The following ZC2HC1C variants were observed in gnomAD, a reference collection of about 807,000 sequenced individuals.
ZC2HC1C encodes the protein zinc finger C2HC-type containing 1C, also known as zinc finger C2HC domain-containing protein 1C.
ZC2HC1C carries 25 observed loss-of-function variants against 39.2 expected under a neutral mutation model. The observed-to-expected ratio is 0.64, with a 90% CI of 0.47 to 0.89. The LOEUF (loss-of-function observed/expected upper bound fraction) is 0.89, where lower values mean the gene tolerates loss of function less well. ZC2HC1C is among the 40% of genes least tolerant of loss of function. The probability of loss-of-function intolerance (pLI) is 0.00; values close to 1 mark genes in which losing one functional copy is unlikely to be tolerated. For missense variants in ZC2HC1C, 519 were observed against 548.6 expected, an observed-to-expected ratio of 0.95 and a Z score of 0.54; for synonymous variants, 209 against 214.4, an observed-to-expected ratio of 0.97 and a Z score of 0.22.
chr14:75,071,900 G>A lies in ZC2HC1C; in HGVS notation c.1327G>A (p.Ala443Thr), dbSNP rs1207417938. 6 of 1,591,188 alleles carry A rather than the reference G, an allele frequency of 3.8e-6. No individual in the cohort carries two copies. Among genetic ancestry groups the A allele is most frequent in the Non-Finnish European group, 5.1e-6 (6 of 1,169,618 alleles). Residue 443 changes from alanine to threonine, a missense_variant, in exon 2 of 3, where the codon GCT (alanine) becomes ACT (threonine). By Grantham distance (58) the Ala-to-Thr change is moderately conservative (BLOSUM62 0). Coordinates refer to ENST00000524913, the MANE Select transcript of ZC2HC1C (RefSeq NM_024643.4). ...LEQYLNWKGP[A>T]SAKAEPPQKS... ...GCAGTACTTGAACTGGAAGGGGCCA[G>A]CTTCAGCCAAGGTAACAAGAGCCTT... is the stretch of plus-strand genomic sequence containing the variant.
chr14:75,070,496 C>T, intron 1 of ZC2HC1C, 59 bp from the exon 2 acceptor site: 1 of 1,516,958 alleles, frequency 6.6e-7, no homozygotes, highest in Non-Finnish European at 8.8e-7. Flanking sequence ...TTTGCTTTAG[C>T]AGCCGAGAGT....
intron 2 of ZC2HC1C, among the ~76,000 whole-genome samples, chr14:75,076,060 TAAC>T (rs530205810): frequency 4.8e-4 from 73 of 151,962 alleles, no homozygotes; most frequent in African/African-American, 1.2e-3. Context: ...CCATCTCAAA[TAAC>T]AACAACAACA....
chr14:75,071,479 G>A lies in ZC2HC1C; in HGVS notation c.906G>A (p.Glu302=), dbSNP rs935121090. 14 of 1,614,126 alleles carry A rather than the reference G, an allele frequency of 8.7e-6. No individual in the cohort carries two copies. The highest frequency in any genetic ancestry group is 1.2e-5 in the Non-Finnish European group (14 of 1,180,030). Residue 302 remains glutamate (E), a synonymous_variant, in exon 2 of 3, where the codon GAG becomes GAA. Coordinates refer to ENST00000524913, the MANE Select transcript of ZC2HC1C (RefSeq NM_024643.4). The part of the protein sequence containing the change: ...FEEEFSRDRR[E]DETWGRSQQN... Reference sequence around the variant, plus strand: ...AAGAATTTAGTAGAGACAGGAGAGAGGATGAAACTTGGGGACGGTCTCAAC... The same window carrying A: ...AAGAATTTAGTAGAGACAGGAGAGAAGATGAAACTTGGGGACGGTCTCAAC...
rs979834999 is a variant in ZC2HC1C at position 75,078,153 on chromosome 14, T to C, written c.*589T>C. The C allele has an allele frequency of 1.2e-4, 19 of 152,758 alleles. No individual in the cohort carries two copies. The highest frequency in any genetic ancestry group is 4.3e-4 in the African/African-American group (18 of 41,468). The allele number at this position is 152,758 out of a possible 1,614,324, so 9.5% of individuals were successfully genotyped here. Reference sequence around the variant, plus strand: ...CTGGTTCTGCCTTCTTGTCACTGCATGTATGTTCAGAGTTCCTGTTAACTC... The same window carrying C: ...CTGGTTCTGCCTTCTTGTCACTGCACGTATGTTCAGAGTTCCTGTTAACTC... On this transcript the variant is annotated 3_prime_UTR_variant, in exon 3 of 3. Coordinates refer to ENST00000524913, the MANE Select transcript of ZC2HC1C (RefSeq NM_024643.4).
Position 75,077,671 on chromosome 14 carries a change from A to C in ZC2HC1C, c.*107A>C, listed in dbSNP as rs1594813029. The C allele has an allele frequency of 1.4e-6, 2 of 1,404,316 alleles. No homozygotes were observed. 87.0% of individuals were successfully genotyped at this position (1,404,316 alleles called of 1,614,324 possible). A position where few individuals can be genotyped will look rare whatever the true frequency, so the allele number is the denominator to read the frequency against. ...TTGCCTCCCATCCTGCCTGCAGAAA[A>C]CCCAGACTGCATTCAGTGTCCTCAG... On this transcript the variant is annotated 3_prime_UTR_variant, in exon 3 of 3. Coordinates refer to ENST00000524913, the MANE Select transcript of ZC2HC1C (RefSeq NM_024643.4).
chr14:75,069,968 C>G (rs530117186), intron 1 of ZC2HC1C: 1 of 153,768 alleles, frequency 6.5e-6, no homozygotes, highest in African/African-American at 2.4e-5. Context: ...CTTTTACAGT[C>G]TGCGCCACGG....
intron 2 of ZC2HC1C, chr14:75,073,514 A>C (rs1893520359): frequency 1.7e-6 from 2 of 1,192,120 alleles, no homozygotes; most frequent in Non-Finnish European, 2.2e-6. Flanking sequence ...GACAGAAGGG[A>C]CCTAGACTAA....
chr14:75,077,380 C>T lies in ZC2HC1C; in HGVS notation c.1339-152C>T, dbSNP rs569387819. The T allele has an allele frequency of 2.8e-5, 28 of 1,001,894 alleles. No homozygotes were observed. The East Asian group carries it at 6.3e-4, about 23-fold the overall frequency. 62.1% of individuals were successfully genotyped at this position (1,001,894 alleles called of 1,614,324 possible). ...TTTGCAGGCCCTTGGTTTGCCTCAA[C>T]GCTGGCAAGTCAGTTACCGCTGTTG... On this transcript the variant is annotated intron_variant, in intron 2 of 2. Coordinates refer to ENST00000524913, the MANE Select transcript of ZC2HC1C (RefSeq NM_024643.4).
intron 2 of ZC2HC1C, among the ~76,000 whole-genome samples, chr14:75,076,780 C>G (rs1893691688): frequency 6.6e-6 from 1 of 151,978 alleles, no homozygotes; most frequent in Non-Finnish European, 1.5e-5. Flanking sequence ...TGTTTGTGGA[C>G]TTTTTGGCTC....
At position 75,072,037 on chromosome 14, in the gene ZC2HC1C, T is replaced by C. The variant is rs556290791; in HGVS notation, c.1338+126T>C. On this transcript the variant is annotated intron_variant, in intron 2 of 2. Transcript: ENST00000524913. ...GAAGAATTGACGTCTAGAATTAACATTTCTTGATTACTACTGTATGCCAGC... is the reference window on the plus strand; with the variant it reads ...GAAGAATTGACGTCTAGAATTAACACTTCTTGATTACTACTGTATGCCAGC... 182 of 1,326,412 alleles carry C rather than the reference T, an allele frequency of 1.4e-4. No homozygotes were observed. In the African/African-American group the frequency reaches 2.4e-3, roughly 18 times the overall value. The allele number at this position is 1,326,412 out of a possible 1,614,324, so 82.2% of individuals were successfully genotyped here.
At chr14:75,074,758 G>T (rs1223733624) in intron 2 of ZC2HC1C, among the ~76,000 whole-genome samples, 1 of 152,108 alleles carries the variant, frequency 6.6e-6, no homozygotes, top group Non-Finnish European at 1.5e-5. Context: ...TTTTAGTTAA[G>T]ACAGGGTTTC....
rs775106299 is a variant in ZC2HC1C, at chr14:75,079,346, G to A, written c.*1782G>A. 4.6e-5 allele frequency: 7 copies of A among 152,116 alleles called. No homozygotes were observed. The highest frequency in any genetic ancestry group is 8.8e-5 in the Non-Finnish European group (6 of 68,032). The allele number at this position is 152,116 out of a possible 1,614,324, so 9.4% of individuals were successfully genotyped here. A position where few individuals can be genotyped will look rare whatever the true frequency, so the allele number is the denominator to read the frequency against. ...AAAAATCCTATATATTTAAATAGGA[G>A]CACACATTTCTTTGCACTCTTTTTA... is the stretch of plus-strand genomic sequence containing the variant. On this transcript the variant is annotated 3_prime_UTR_variant, in exon 3 of 3. Transcript: ENST00000524913.
intron 2 of ZC2HC1C, among the ~76,000 whole-genome samples, chr14:75,074,417 CAT>C (rs1238771434): frequency 1.3e-5 from 2 of 152,164 alleles, no homozygotes; most frequent in Non-Finnish European, 1.5e-5. Flanking sequence ...ATTTAAAAAA[CAT>C]GTAGTACTGA....
chr14:75,071,406 GCAACACC>G lies in ZC2HC1C; in HGVS notation c.834_840del (p.Ser278ArgfsTer53). On this transcript the variant is annotated frameshift_variant, in exon 2 of 3. Coordinates refer to ENST00000524913, the MANE Select transcript of ZC2HC1C (RefSeq NM_024643.4). LOFTEE classifies it high-confidence loss of function. ...AGGAGCAGAGTTAAAGGTAATAAAA[GCAACACC>G]ATGTACAAACCTATCTTCTCCCCAG... 1 of 1,614,138 alleles carries G rather than the reference GCAACACC, an allele frequency of 6.2e-7. No homozygotes were observed. Among genetic ancestry groups the G allele is most frequent in the Middle Eastern group, 1.6e-4 (1 of 6,062 alleles).
In ZC2HC1C at chr14:75,077,891, A is replaced by G; in HGVS notation, c.*327A>G. ...ATTTGATGCAAAGCAGAAAGAAATC[A>G]AACAGCTCCCAGATCTGCCTGCAGA... On this transcript the variant is annotated 3_prime_UTR_variant, in exon 3 of 3. Coordinates refer to ENST00000524913, the MANE Select transcript of ZC2HC1C (RefSeq NM_024643.4). The G allele has an allele frequency of 3.4e-6, 1 of 293,608 alleles. No homozygotes were observed. Among genetic ancestry groups the G allele is most frequent in the Non-Finnish European group, 6.5e-6 (1 of 154,834 alleles). The allele number at this position is 293,608 out of a possible 1,614,324, so 18.2% of individuals were successfully genotyped here. A position where few individuals can be genotyped will look rare whatever the true frequency, so the allele number is the denominator to read the frequency against.
At position 75,071,659 on chromosome 14, in the gene ZC2HC1C, G is replaced by A. The variant is rs779382730; in HGVS notation, c.1086G>A (p.Gln362=). Residue 362 remains glutamine, a synonymous_variant, in exon 2 of 3, where the codon CAG becomes CAA. Coordinates refer to ENST00000524913, the MANE Select transcript of ZC2HC1C (RefSeq NM_024643.4). The part of the protein sequence containing the change: ...PPSETPVGAL[Q]GSARNSSLSM... Reference sequence around the variant, plus strand: ...CAGAAACACCAGTCGGTGCTTTGCAGGGATCCGCCAGAAATTCCAGCCTGT... The same window carrying A: ...CAGAAACACCAGTCGGTGCTTTGCAAGGATCCGCCAGAAATTCCAGCCTGT... The A allele has an allele frequency of 3.7e-6, 6 of 1,614,100 alleles. No homozygotes were observed. Among genetic ancestry groups the A allele is most frequent in the Admixed American group, 1.7e-5 (1 of 60,006 alleles).
intron 2 of ZC2HC1C, among the ~76,000 whole-genome samples, chr14:75,075,139 A>G (rs1417792183): frequency 6.6e-6 from 1 of 152,152 alleles, no homozygotes; most frequent in Admixed American, 6.5e-5. Context: ...CTCCCCCGCA[A>G]CGATCCATCT....
chr14:75,077,910 C>A lies in ZC2HC1C; in HGVS notation c.*346C>A. Reference sequence around the variant, plus strand: ...GAAATCAAACAGCTCCCAGATCTGCCTGCAGAGCTAAAATCTGTGAGGAGA... The same window carrying A: ...GAAATCAAACAGCTCCCAGATCTGCATGCAGAGCTAAAATCTGTGAGGAGA... On this transcript the variant is annotated 3_prime_UTR_variant, in exon 3 of 3. Transcript: ENST00000524913. 3.8e-6 allele frequency: 1 copy of A among 260,644 alleles called. No homozygotes were observed. The highest frequency in any genetic ancestry group is 7.4e-6 in the Non-Finnish European group (1 of 134,382). 16.1% of individuals were successfully genotyped at this position (260,644 alleles called of 1,614,324 possible).
Position 75,071,238 on chromosome 14 carries a change from G to T in ZC2HC1C, c.665G>T (p.Ser222Ile). Residue 222 changes from serine (S) to isoleucine (I), a missense_variant, in exon 2 of 3, where the codon AGC becomes ATC. Transcript: ENST00000524913. The stretch of plus-strand genomic sequence containing the variant: ...CGAAGACTAGAAGCTGCAGGGGAGA[G>T]CTTAGAGGAGGAAATCCGAAGAAAG... The part of the protein sequence containing the change: ...QIRRLEAAGE[S>I]LEEEIRRKQI... 1 of 1,614,196 alleles carries T rather than the reference G, an allele frequency of 6.2e-7. No homozygotes were observed. The highest frequency in any genetic ancestry group is 8.5e-7 in the Non-Finnish European group (1 of 1,180,050).
Sources: allele counts gnomAD v4.1 joint callset (sites outside exome capture counted in the v4.1 genomes callset), GRCh38; gene constraint gnomAD v4.1.1; transcripts MANE v1.5; gene names NCBI Gene and HGNC (gene_info 2026-07-23, HGNC 2026-07-21).